Variants in ARHGAP6 observed in about 807,000 individuals in gnomAD.
The protein encoded by ARHGAP6 is Rho GTPase activating protein 6.
A neutral mutation model predicts 55.7 loss-of-function variants in ARHGAP6; 16 were observed. The ratio of observed to expected loss-of-function variants is 0.29; its 90% confidence interval spans 0.19 to 0.44. The LOEUF (loss-of-function observed/expected upper bound fraction) is 0.44, where lower values mean the gene tolerates loss of function less well. Ranked by LOEUF, ARHGAP6 falls within the 20% of genes least tolerant of loss-of-function variation. The pLI, the probability that ARHGAP6 is intolerant of heterozygous loss-of-function variation, is 1.00. For synonymous variants in ARHGAP6, 382 were observed against 360.9 expected, an observed-to-expected ratio of 1.06 and a Z score of -0.66; for missense variants, 698 against 808.9, an observed-to-expected ratio of 0.86 and a Z score of 1.66.
intron 1 of ARHGAP6, among the ~76,000 whole-genome samples, chrX:11,576,042 C>A (rs2051593568): frequency 8.9e-6 from 1 of 111,883 alleles, no homozygotes; most frequent in South Asian, 3.7e-4. Flanking sequence ...GCTGATGGTT[C>A]AGAAGCTAAA....
chrX:11,399,444 A>G (rs2049521250), intron 1 of ARHGAP6, among the ~76,000 whole-genome samples: 2 of 108,886 alleles, frequency 1.8e-5, no homozygotes, highest in South Asian at 7.9e-4. Flanking sequence ...CTAATTTGGG[A>G]GGTGAGACTA....
At chrX:11,587,905 GAATA>G (rs1056247532) in intron 1 of ARHGAP6, among the ~76,000 whole-genome samples, 2 of 112,468 alleles carry the variant, frequency 1.8e-5, no homozygotes, top group African/African-American at 6.4e-5. Context: ...TCTTATGACA[GAATA>G]AATTCTTAGA....
chrX:11,164,586 C>T (rs1429701353), intron 9 of ARHGAP6, among the ~76,000 whole-genome samples: 1 of 111,814 alleles, frequency 8.9e-6, no homozygotes. Flanking sequence ...TCATCACAGC[C>T]TCTGACCCTT....
At chrX:11,140,645 C>G (rs1319687995) in intron 12 of ARHGAP6, among the ~76,000 whole-genome samples, 1 of 109,470 alleles carries the variant, frequency 9.1e-6, no homozygotes, top group Non-Finnish European at 1.9e-5. Context: ...CTCACACACT[C>G]CCGCCCCTCC....
At chrX:11,158,108 T>C (rs760961063) in intron 9 of ARHGAP6, among the ~76,000 whole-genome samples, 2 of 112,005 alleles carry the variant, frequency 1.8e-5, no homozygotes, top group Non-Finnish European at 3.8e-5. Context: ...TTATAATAGT[T>C]ATACCCCACG....
At chrX:11,492,265 T>G (rs929843470) in intron 1 of ARHGAP6, among the ~76,000 whole-genome samples, 5 of 111,131 alleles carry the variant, frequency 4.5e-5, no homozygotes, top group African/African-American at 1.3e-4. Context: ...TTTTGGTGTT[T>G]TAGACATGAA....
intron 1 of ARHGAP6, among the ~76,000 whole-genome samples, chrX:11,599,438 CTT>C (rs201539492): frequency 0.087 from 9,759 of 111,640 alleles, 399 homozygotes; most frequent in East Asian, 0.19. Context: ...ACTTTAAACA[CTT>C]ATAATTTTTT....
intron 1 of ARHGAP6, among the ~76,000 whole-genome samples, chrX:11,333,285 T>C (rs1461764617): frequency 1.8e-5 from 2 of 111,814 alleles, no homozygotes; most frequent in Non-Finnish European, 1.9e-5. Flanking sequence ...AATGGGATGG[T>C]TACCCTCATG....
At chrX:11,232,428 C>T (rs2047144827) in intron 2 of ARHGAP6, among the ~76,000 whole-genome samples, 1 of 110,216 alleles carries the variant, frequency 9.1e-6, no homozygotes, top group African/African-American at 3.3e-5. Context: ...CGAGACCAGC[C>T]TGGCCAACAT....
At chrX:11,249,148 A>G (rs954982546) in intron 2 of ARHGAP6, among the ~76,000 whole-genome samples, 44 of 112,011 alleles carry the variant, frequency 3.9e-4, no homozygotes, top group African/African-American at 1.4e-3. Flanking sequence ...GGAGACTATT[A>G]TTCTAAGTGA....
intron 1 of ARHGAP6, among the ~76,000 whole-genome samples, chrX:11,314,812 G>A (rs1431737830): frequency 1.8e-5 from 2 of 111,584 alleles, no homozygotes; most frequent in Non-Finnish European, 3.8e-5. Flanking sequence ...AGGAGGGAGA[G>A]GAACAGGAAA....
chrX:11,236,976 A>G (rs749552775), intron 2 of ARHGAP6, among the ~76,000 whole-genome samples: 10 of 112,533 alleles, frequency 8.9e-5, no homozygotes, highest in African/African-American at 2.9e-4. Flanking sequence ...AACAGCGGAC[A>G]TCCATTTGTG....
chrX:11,611,408 T>C (rs1437705389), intron 1 of ARHGAP6, among the ~76,000 whole-genome samples: 1 of 111,933 alleles, frequency 8.9e-6, no homozygotes, highest in African/African-American at 3.2e-5. Context: ...GTAACTACAT[T>C]TCTGAACACA....
At chrX:11,387,786 G>A (rs962127282) in intron 1 of ARHGAP6, among the ~76,000 whole-genome samples, 2 of 110,762 alleles carry the variant, frequency 1.8e-5, no homozygotes, top group African/African-American at 6.6e-5. Flanking sequence ...TCCCACCTAT[G>A]AGTGAGAACA....
chrX:11,529,786 A>C (rs1309561979), intron 1 of ARHGAP6, among the ~76,000 whole-genome samples: 1 of 112,084 alleles, frequency 8.9e-6, no homozygotes, highest in Non-Finnish European at 1.9e-5. Context: ...CAGTAGATTA[A>C]ATTTCTAATT....
rs766970210 is a variant in ARHGAP6, at chrX:11,647,936, C to A, written c.588+16305G>T. Among the ~76,000 whole-genome samples, 11 of 111,952 alleles carry A rather than the reference C, an allele frequency of 9.8e-5. No homozygotes were observed. The South Asian group carries it at 4.1e-3, about 42-fold the overall frequency. On this transcript the variant is annotated intron_variant, in intron 1 of 12. Transcript: ENST00000337414. ...ATTGGAGGAGACCAAGAAGCCTTGC[C>A]AACCTGATGTAATGTGAGATTCTGC...
At chrX:11,333,743 C>T (rs542480050) in intron 1 of ARHGAP6, among the ~76,000 whole-genome samples, 7 of 112,127 alleles carry the variant, frequency 6.2e-5, no homozygotes, top group African/African-American at 1.6e-4. Flanking sequence ...ACAACTTCTG[C>T]GATATGGTCT....
intron 1 of ARHGAP6, among the ~76,000 whole-genome samples, chrX:11,470,972 T>A (rs1428463039): frequency 8.9e-6 from 1 of 112,193 alleles, no homozygotes; most frequent in Non-Finnish European, 1.9e-5. Context: ...TTCCTTCTTG[T>A]TTGCATATAC....
At chrX:11,185,383 C>A (rs2046374297) in intron 5 of ARHGAP6, among the ~76,000 whole-genome samples, 1 of 111,576 alleles carries the variant, frequency 9.0e-6, no homozygotes, top group African/African-American at 3.3e-5. Context: ...TTAAATATAT[C>A]CTTAATGATT....
Sources: gnomAD v4.1 joint callset for allele counts (sites outside exome capture counted in the v4.1 genomes callset) on GRCh38, gnomAD v4.1.1 for gene constraint, MANE v1.5 for transcripts, NCBI Gene and HGNC (gene_info 2026-07-23, HGNC 2026-07-21) for gene names.